Variants in SAMD5 observed in about 807,000 individuals in gnomAD.
The protein encoded by SAMD5 is sterile alpha motif domain containing 5.
A neutral mutation model predicts 11.3 loss-of-function variants in SAMD5; 13 were observed. The observed-to-expected ratio is 1.15, with a 90% CI of 0.75 to 1.83. The LOEUF (loss-of-function observed/expected upper bound fraction) is 1.83, where lower values mean the gene tolerates loss of function less well. Among genes scored for constraint, SAMD5 ranks in the 40% most tolerant of loss-of-function variants. The pLI is 0.00. For synonymous variants in SAMD5, 129 were observed against 111.3 expected, an observed-to-expected ratio of 1.16 and a Z score of -1.00; for missense variants, 255 against 239.1, an observed-to-expected ratio of 1.07 and a Z score of -0.44.
At chr6:147,609,575 A>G (rs547980380) in intron 1 of SAMD5, among the ~76,000 whole-genome samples, 3 of 152,122 alleles carry the variant, frequency 2.0e-5, no homozygotes, top group Non-Finnish European at 4.4e-5. Flanking sequence ...TTTGAGACGG[A>G]ATCTCACCCT....
chr6:147,797,423 T>C, the SAMD5 span, among the ~76,000 whole-genome samples: 2 of 101,078 alleles, frequency 2.0e-5, 1 homozygote, highest in Admixed American at 1.9e-4. Flanking sequence ...GAAGCCCACT[T>C]GATCATGGTG....
At chr6:147,870,836 G>GAGGA in the SAMD5 span, among the ~76,000 whole-genome samples, 6 of 137,252 alleles carry the variant, frequency 4.4e-5, no homozygotes, top group South Asian at 2.7e-4. Context: ...GGGAGGGAGG[G>GAGGA]AGGAAGGAAG....
At chr6:147,860,342 C>G in the SAMD5 span, among the ~76,000 whole-genome samples, 1 of 152,122 alleles carries the variant, frequency 6.6e-6, no homozygotes, top group Non-Finnish European at 1.5e-5. Flanking sequence ...CTGCAGAGAC[C>G]CTATTTCCAA....
the SAMD5 span, among the ~76,000 whole-genome samples, chr6:147,877,021 C>A: frequency 6.6e-6 from 1 of 151,996 alleles, no homozygotes; most frequent in Non-Finnish European, 1.5e-5. Context: ...AAAGCAGACC[C>A]ATCATTTAAC....
intron 1 of SAMD5, among the ~76,000 whole-genome samples, chr6:147,511,183 A>G (rs1026856072): frequency 6.6e-6 from 1 of 152,238 alleles, no homozygotes; most frequent in Non-Finnish European, 1.5e-5. Context: ...GAGAGCAGGG[A>G]CACCGTGGGC....
At chr6:147,820,701 T>C in the SAMD5 span, among the ~76,000 whole-genome samples, 1 of 152,184 alleles carries the variant, frequency 6.6e-6, no homozygotes, top group African/African-American at 2.4e-5. Flanking sequence ...TGCTCTTGAA[T>C]GGTATTTGTG....
chr6:147,704,446 A>C (rs1791298081), intron 1 of SAMD5, among the ~76,000 whole-genome samples: 1 of 152,208 alleles, frequency 6.6e-6, no homozygotes, highest in Non-Finnish European at 1.5e-5. Flanking sequence ...CACATGTCAA[A>C]TAGAAACTGA....
intron 1 of SAMD5, among the ~76,000 whole-genome samples, chr6:147,528,736 T>G (rs1788383529): frequency 1.3e-5 from 2 of 152,202 alleles, no homozygotes; most frequent in Admixed American, 6.6e-5. Context: ...ACTAGGTGGT[T>G]GCCTAGTGAA....
At chr6:147,735,407 G>T (rs1291516135) in intron 1 of SAMD5, among the ~76,000 whole-genome samples, 1 of 152,120 alleles carries the variant, frequency 6.6e-6, no homozygotes, top group Non-Finnish European at 1.5e-5. Context: ...ACTGCTCACT[G>T]TAATAGAACT....
At chr6:147,807,092 T>G in the SAMD5 span, among the ~76,000 whole-genome samples, 1 of 152,106 alleles carries the variant, frequency 6.6e-6, no homozygotes. Context: ...TTTTTTTGTT[T>G]TGTTTTGTTT....
At chr6:147,740,270 A>G (rs1338921842), downstream of SAMD5, among the ~76,000 whole-genome samples, 1 of 152,214 alleles carries the variant, frequency 6.6e-6, no homozygotes, top group African/African-American at 2.4e-5. Flanking sequence ...ACGCATCAGG[A>G]ACAATAGGAT....
At chr6:147,760,927 A>G in the SAMD5 span, among the ~76,000 whole-genome samples, 5 of 152,244 alleles carry the variant, frequency 3.3e-5, no homozygotes, top group Non-Finnish European at 7.3e-5. Context: ...ACAATTTGAC[A>G]AATAAATTAC....
At chr6:147,865,693 C>T in the SAMD5 span, among the ~76,000 whole-genome samples, 7 of 151,968 alleles carry the variant, frequency 4.6e-5, no homozygotes, top group East Asian at 1.9e-4. Flanking sequence ...CAACTGAGGA[C>T]GATTATTATG....
intron 1 of SAMD5, among the ~76,000 whole-genome samples, chr6:147,664,339 A>G (rs148240973): frequency 3.9e-3 from 596 of 152,280 alleles, no homozygotes; most frequent in Middle Eastern, 0.02. Context: ...AGTAATCATT[A>G]TAACTCCAGG....
the SAMD5 span, among the ~76,000 whole-genome samples, chr6:147,826,148 G>A: frequency 6.6e-6 from 1 of 152,356 alleles, no homozygotes; most frequent in South Asian, 2.1e-4. Flanking sequence ...TCTTTTAAAT[G>A]TGTGTGTTGA....
rs1789106426 is a variant in SAMD5 at position 147,569,707 on chromosome 6, T to A, written c.*5251T>A. The A allele has an allele frequency of 1.0e-6, 1 of 985,390 alleles. No individual in the cohort carries two copies. The highest frequency in any genetic ancestry group is 1.7e-5 in the African/African-American group (1 of 57,378). The allele number at this position is 985,390 out of a possible 1,614,324, so 61.0% of individuals were successfully genotyped here. ...TGTTTAGAGATACTATTCGGGTTGCTAAAGCCATTATTCATAGAAAATTTC... is the reference window on the plus strand; with the variant it reads ...TGTTTAGAGATACTATTCGGGTTGCAAAAGCCATTATTCATAGAAAATTTC... On this transcript the variant is annotated 3_prime_UTR_variant, in exon 2 of 2. Transcript: ENST00000367474.
At chr6:147,519,303 ATTTAC>A (rs1417804317) in intron 1 of SAMD5, among the ~76,000 whole-genome samples, 1 of 152,120 alleles carries the variant, frequency 6.6e-6, no homozygotes, top group Non-Finnish European at 1.5e-5. Context: ...TTATATGAAA[ATTTAC>A]TTTAAGTAAT....
intron 1 of SAMD5, among the ~76,000 whole-genome samples, chr6:147,551,098 C>T (rs1562318376): frequency 6.6e-6 from 1 of 152,160 alleles, no homozygotes; most frequent in Admixed American, 6.5e-5. Flanking sequence ...GCTGCCCTTC[C>T]ACTCGAAGTT....
chr6:147,591,251 A>T (rs1789449567), intron 1 of SAMD5, among the ~76,000 whole-genome samples: 1 of 152,106 alleles, frequency 6.6e-6, no homozygotes, highest in Admixed American at 6.5e-5. Context: ...AAAGCACTTC[A>T]CTCTTCAACC....
Sources: allele counts gnomAD v4.1 joint callset (sites outside exome capture counted in the v4.1 genomes callset), GRCh38; gene constraint gnomAD v4.1.1; transcripts MANE v1.5; gene names NCBI Gene and HGNC (gene_info 2026-07-23, HGNC 2026-07-21).